NYAP2: variants seen among roughly 807,000 people sequenced by gnomAD.
The protein encoded by NYAP2 is neuronal tyrosine-phosphorylated phosphoinositide-3-kinase adaptor 2.
Under a neutral mutation model 50.4 loss-of-function variants are expected in NYAP2, and 23 were observed. That is an observed-to-expected ratio of 0.46 (90% CI 0.33 to 0.65). The LOEUF (loss-of-function observed/expected upper bound fraction) is 0.65. NYAP2 is among the 30% of genes least tolerant of loss of function. The probability of loss-of-function intolerance (pLI) is 0.02; values close to 1 mark genes in which losing one functional copy is unlikely to be tolerated. For missense variants in NYAP2, 885 were observed against 861.0 expected (o/e 1.03, Z -0.35); for synonymous variants, 394 against 365.2 (o/e 1.08, Z -0.90).
chr2:225,485,973 C>A (rs1270315886), intron 3 of NYAP2, among the ~76,000 whole-genome samples: 1 of 152,162 alleles, frequency 6.6e-6, no homozygotes, highest in Non-Finnish European at 1.5e-5. Context: ...TCAGAACTAT[C>A]TCTAGATATT....
At chr2:225,619,510 G>A (rs1026428876) in intron 5 of NYAP2, among the ~76,000 whole-genome samples, 6 of 152,178 alleles carry the variant, frequency 3.9e-5, no homozygotes, top group African/African-American at 1.4e-4. Flanking sequence ...GAGGAAGAGT[G>A]AATAAGAGAT....
chr2:225,582,081 C>T lies in NYAP2; in HGVS notation c.664C>T (p.Leu222=). The stretch of plus-strand genomic sequence containing the variant: ...AAAGCATGGGCCCCGGAGGACGTCG[C>T]TGCCGCGGGACTCCTCCTTGTCCCA... The change falls in exon 5 of 7, where the codon CTG becomes TTG. Residue 222 remains leucine (L), a synonymous_variant. Transcript: ENST00000636099. The surrounding 1 kb of genome is among the most constrained non-coding windows in gnomAD (Gnocchi z 7.0). 1 of 1,614,074 alleles carries T rather than the reference C, an allele frequency of 6.2e-7. No individual in the cohort carries two copies.
intron 4 of NYAP2, among the ~76,000 whole-genome samples, chr2:225,516,730 A>G (rs1298106938): frequency 1.3e-5 from 2 of 152,190 alleles, no homozygotes; most frequent in African/African-American, 4.8e-5. Context: ...TTATTAATAT[A>G]TCAATATGTA....
chr2:225,511,072 C>A (rs1468884973), intron 3 of NYAP2, among the ~76,000 whole-genome samples: 1 of 152,050 alleles, frequency 6.6e-6, no homozygotes, highest in Non-Finnish European at 1.5e-5. Context: ...CTTAAAGCAC[C>A]TTTTGTGCTG....
At chr2:225,667,286 TATATAA>T in the NYAP2 span, among the ~76,000 whole-genome samples, 4 of 150,540 alleles carry the variant, frequency 2.7e-5, no homozygotes, top group African/African-American at 7.3e-5. Context: ...TGTGTGTGAA[TATATAA>T]ATATAAATAT....
intron 5 of NYAP2, 35 bp from the exon 6 acceptor site, chr2:225,626,882 T>C: frequency 6.8e-7 from 1 of 1,461,694 alleles, no homozygotes; most frequent in Non-Finnish European, 9.4e-7. Context: ...AACTTTACTC[T>C]TGTTTAACAG....
the NYAP2 span, among the ~76,000 whole-genome samples, chr2:225,692,190 G>C: frequency 6.6e-6 from 1 of 152,064 alleles, no homozygotes. Context: ...AAAATCAATA[G>C]AGATATGCAT....
chr2:225,606,613 A>G (rs1441573718), intron 5 of NYAP2, among the ~76,000 whole-genome samples: 3 of 152,168 alleles, frequency 2.0e-5, no homozygotes, highest in Non-Finnish European at 4.4e-5. Context: ...TCACCACTTA[A>G]AAAATACATG....
intron 4 of NYAP2, among the ~76,000 whole-genome samples, chr2:225,516,273 C>G (rs1186151437): frequency 6.6e-6 from 1 of 152,152 alleles, no homozygotes; most frequent in Non-Finnish European, 1.5e-5. Flanking sequence ...GGCTACTTGT[C>G]AAGCAGAATG....
chr2:225,564,896 A>G (rs1488114943), intron 4 of NYAP2, among the ~76,000 whole-genome samples: 2 of 152,060 alleles, frequency 1.3e-5, no homozygotes, highest in Admixed American at 6.6e-5. Context: ...GTGGGAGACC[A>G]AGGCAGGTGG....
Position 225,464,404 on chromosome 2 carries a change from G to C in NYAP2, c.222-48967G>C, listed in dbSNP as rs138166887. On this transcript the variant is annotated intron_variant, in intron 3 of 6. Coordinates refer to ENST00000636099, the Ensembl canonical transcript of NYAP2. ...AACCTGGGGGAAAAACAGAGTGAGAGGGTCTGTGGGAGAAGGTGCAGAGAA... is the reference window on the plus strand; with the variant it reads ...AACCTGGGGGAAAAACAGAGTGAGACGGTCTGTGGGAGAAGGTGCAGAGAA... Among the ~76,000 whole-genome samples, 392 of 152,290 alleles carry C rather than the reference G, an allele frequency of 2.6e-3. 3 individuals carry two copies. The highest frequency in any genetic ancestry group is 0.021 in the Admixed American group (322 of 15,292).
chr2:225,562,292 A>AATAC (rs1168427022), intron 4 of NYAP2, among the ~76,000 whole-genome samples: 1 of 152,192 alleles, frequency 6.6e-6, no homozygotes, highest in African/African-American at 2.4e-5. Context: ...TGTTCACAGA[A>AATAC]ATACATAGAA....
intron 3 of NYAP2, among the ~76,000 whole-genome samples, chr2:225,452,838 C>T (rs1021361975): frequency 2.6e-5 from 4 of 152,178 alleles, no homozygotes; most frequent in Non-Finnish European, 4.4e-5. Context: ...GTTTCAACCA[C>T]GGTGAGTGGT....
rs1404030306 is a variant in NYAP2 at position 225,589,535 on chromosome 2, A to ATATATATATATATATATATATC, written c.1618+6507_1618+6508insATATATATATATATCTATATAT. On this transcript the variant is annotated intron_variant, in intron 5 of 6. Transcript: ENST00000636099. ...AAGTAAAATATATATATATATATAT[A>ATATATATATATATATATATATC]TATATATTTAATAGCTGGGTGTGGT... 2.9e-5 allele frequency among the ~76,000 whole-genome samples: 4 copies of ATATATATATATATATATATATC among 138,120 alleles called. 1 individual carries two copies. The highest frequency in any genetic ancestry group is 2.1e-4 in the East Asian group (1 of 4,802). 90.6% of individuals were successfully genotyped at this position (138,120 alleles called of 152,430 possible). A position where few individuals can be genotyped will look rare whatever the true frequency, so the allele number is the denominator to read the frequency against.
chr2:225,571,290 G>C (rs1339044100), intron 4 of NYAP2, among the ~76,000 whole-genome samples: 1 of 152,206 alleles, frequency 6.6e-6, no homozygotes, highest in Non-Finnish European at 1.5e-5. Flanking sequence ...TCTTCTCACA[G>C]CTCCATTAGG....
intron 3 of NYAP2, among the ~76,000 whole-genome samples, chr2:225,421,494 G>A (rs1218934212): frequency 6.6e-6 from 1 of 152,154 alleles, no homozygotes; most frequent in African/African-American, 2.4e-5. Flanking sequence ...GAAAGACAAT[G>A]GGGAAATATC....
chr2:225,605,138 TC>T (rs1203731771), intron 5 of NYAP2, among the ~76,000 whole-genome samples: 1 of 152,116 alleles, frequency 6.6e-6, no homozygotes, highest in Non-Finnish European at 1.5e-5. Context: ...GATATTTTTC[TC>T]CCCATGCATT....
rs574057206 is a variant in NYAP2, at chr2:225,620,301, T to A, written c.1619-6616T>A. Among the ~76,000 whole-genome samples the A allele has an allele frequency of 2.0e-5, 3 of 152,360 alleles. No homozygotes were observed. In the East Asian group the frequency reaches 5.8e-4, roughly 29 times the overall value. The stretch of plus-strand genomic sequence containing the variant: ...ATTTGTCTCTTTTCAACAGCTATTT[T>A]GAAGATTTTCATATTTGTTTGAATT... On this transcript the variant is annotated intron_variant, in intron 5 of 6. Coordinates refer to ENST00000636099, the Ensembl canonical transcript of NYAP2.
chr2:225,699,988 TTC>T, the NYAP2 span: 1 of 151,870 alleles, frequency 6.6e-6, no homozygotes. Flanking sequence ...AGTATTATAT[TTC>T]TGAGAGAAAA....
Sources: gnomAD v4.1 joint callset for allele counts (sites outside exome capture counted in the v4.1 genomes callset) on GRCh38, gnomAD v4.1.1 for gene constraint, Gnocchi (gnomAD v3.1) non-coding constraint, MANE v1.5 for transcripts, NCBI Gene and HGNC (gene_info 2026-07-23, HGNC 2026-07-21) for gene names.